Variants in ADAMTS16 observed in about 807,000 individuals in gnomAD.
ADAMTS16 encodes the protein A disintegrin and metalloproteinase with thrombospondin motifs 16.
In ADAMTS16, 94 loss-of-function variants were observed where a neutral mutation model predicts 145.8. The observed-to-expected ratio is 0.64, with a 90% confidence interval of 0.55 to 0.77. ADAMTS16 has a LOEUF of 0.77. Among genes scored for constraint, ADAMTS16 ranks in the 30% least tolerant of loss-of-function variants. The probability of loss-of-function intolerance (pLI) is 0.00; values close to 1 mark genes in which losing one functional copy is unlikely to be tolerated. For synonymous variants in ADAMTS16, 659 were observed against 604.3 expected (o/e 1.09, Z -1.33); for missense variants, 1,585 against 1,591.5 (o/e 1.00, Z 0.07).
At chr5:5,202,823 T>A (rs979709) in intron 9 of ADAMTS16, among the ~76,000 whole-genome samples, 4 of 152,130 alleles carry the variant, frequency 2.6e-5, no homozygotes, top group African/African-American at 9.7e-5. Context: ...CCCAAGTTAT[T>A]AAAGTCCAAA....
intron 3 of ADAMTS16, among the ~76,000 whole-genome samples, chr5:5,157,233 T>A (rs536923221): frequency 6.6e-6 from 1 of 151,996 alleles, no homozygotes; most frequent in Admixed American, 6.6e-5. Context: ...AAACTAAATA[T>A]ATAAAAACTA....
In ADAMTS16 at chr5:5,319,879, C is replaced by T. The variant is rs1734217788; in HGVS notation, c.*741C>T. ...TTTTTATACTTTATGTTTTATCTTT[C>T]TCAGTTATTTGCAAGTGAGTGTCCT... On this transcript the variant is annotated 3_prime_UTR_variant, in exon 23 of 23. Transcript: ENST00000274181. The T allele has an allele frequency of 2.2e-6, 1 of 455,804 alleles. No individual in the cohort carries two copies. The allele number at this position is 455,804 out of a possible 1,614,324, so 28.2% of individuals were successfully genotyped here.
chr5:5,185,858 C>A (rs75010576), intron 4 of ADAMTS16, among the ~76,000 whole-genome samples, 194 bp from the exon 5 acceptor site: 3,344 of 152,278 alleles, frequency 0.022, 55 homozygotes, highest in Non-Finnish European at 0.032. Flanking sequence ...TTCCATGATG[C>A]CTAGACTACA....
chr5:5,268,767 TG>T (rs1182809566), intron 18 of ADAMTS16, among the ~76,000 whole-genome samples: 2 of 152,222 alleles, frequency 1.3e-5, no homozygotes, highest in African/African-American at 2.4e-5. Context: ...AAGAGGCAGC[TG>T]CTCCTTCCTC....
chr5:5,143,615 A>C (rs910173983), intron 2 of ADAMTS16, among the ~76,000 whole-genome samples: 1 of 152,208 alleles, frequency 6.6e-6, no homozygotes. Flanking sequence ...TTGACCCAGC[A>C]ATCCCATTAC....
chr5:5,161,697 A>C (rs951702984), intron 3 of ADAMTS16, among the ~76,000 whole-genome samples: 1 of 152,198 alleles, frequency 6.6e-6, no homozygotes, highest in Non-Finnish European at 1.5e-5. Flanking sequence ...TCTTCACATT[A>C]ATACCATTCT....
At chr5:5,178,778 TG>T (rs574334966) in intron 3 of ADAMTS16, among the ~76,000 whole-genome samples, 13 of 152,142 alleles carry the variant, frequency 8.5e-5, no homozygotes, top group African/African-American at 2.9e-4. Context: ...GCCTTGAGCC[TG>T]GGGGAAAGGA....
In ADAMTS16 at chr5:5,319,112, A is replaced by G; in HGVS notation, c.3649A>G (p.Lys1217Glu). ...SHKFYGKQCC[K>E]TCSKSNL The stretch of plus-strand genomic sequence containing the variant: ...CAAGTTCTACGGCAAGCAGTGCTGC[A>G]AGACTTGCTCTAAGTCCAACTTGTG... Residue 1217 changes from lysine to glutamate, a missense_variant, in exon 23 of 23, where the codon AAG becomes GAG. Coordinates refer to ENST00000274181, the MANE Select transcript of ADAMTS16 (RefSeq NM_139056.4). The G allele has an allele frequency of 1.2e-6, 2 of 1,612,426 alleles. No homozygotes were observed. Among genetic ancestry groups the G allele is most frequent in the South Asian group, 1.1e-5 (1 of 90,498 alleles).
At chr5:5,303,804 C>A (rs1465765125) in intron 20 of ADAMTS16, 38 bp downstream of exon 20, 4 of 1,600,876 alleles carry the variant, frequency 2.5e-6, no homozygotes. Context: ...GGTTGACTAG[C>A]TCTCCCCTCG....
At chr5:5,258,852 T>TAAA (rs1560972935) in intron 17 of ADAMTS16, among the ~76,000 whole-genome samples, 14 of 151,816 alleles carry the variant, frequency 9.2e-5, no homozygotes, top group Non-Finnish European at 1.9e-4. Context: ...ATATATATAA[T>TAAA]TTTTTTTAGT....
At chr5:5,220,462 A>G (rs1010488089) in intron 10 of ADAMTS16, among the ~76,000 whole-genome samples, 10 of 151,962 alleles carry the variant, frequency 6.6e-5, no homozygotes, top group African/African-American at 9.7e-5. Context: ...CCGGCCAATA[A>G]TTTAACATTT....
At chr5:5,302,351 A>T (rs1430555843) in intron 18 of ADAMTS16, among the ~76,000 whole-genome samples, 1 of 152,250 alleles carries the variant, frequency 6.6e-6, no homozygotes, top group African/African-American at 2.4e-5. Flanking sequence ...TGAAAGAAAG[A>T]TAATCAGACA....
At chr5:5,313,963 G>A (rs1181276579) in intron 21 of ADAMTS16, among the ~76,000 whole-genome samples, 2 of 152,172 alleles carry the variant, frequency 1.3e-5, no homozygotes, top group Non-Finnish European at 2.9e-5. Context: ...AACAAGAACC[G>A]GCCTGCTGCT....
chr5:5,189,589 G>GT (rs1382917363), intron 6 of ADAMTS16, among the ~76,000 whole-genome samples: 2 of 152,172 alleles, frequency 1.3e-5, no homozygotes, highest in African/African-American at 4.8e-5. Context: ...ATCTAGACGT[G>GT]TTTTTGTATA....
At chr5:5,193,453 A>T (rs1735719697) in intron 8 of ADAMTS16, among the ~76,000 whole-genome samples, 1 of 152,222 alleles carries the variant, frequency 6.6e-6, no homozygotes, top group Non-Finnish European at 1.5e-5. Context: ...TTGTAACAAC[A>T]TGAGGCTCCT....
chr5:5,293,233 G>A (rs1228571748), intron 18 of ADAMTS16, among the ~76,000 whole-genome samples: 1 of 152,166 alleles, frequency 6.6e-6, no homozygotes, highest in African/African-American at 2.4e-5. Context: ...TTCGATGGGT[G>A]TGGCATTGAA....
At chr5:5,142,251 A>G (rs896578979) in intron 2 of ADAMTS16, 2 of 152,236 alleles carry the variant, frequency 1.3e-5, no homozygotes, top group Admixed American at 1.3e-4. Flanking sequence ...AAGTGATTCA[A>G]TCTGCTTCAG....
chr5:5,159,203 A>C (rs7720897), intron 3 of ADAMTS16, among the ~76,000 whole-genome samples: 109,752 of 152,142 alleles, frequency 0.72, 40,117 homozygotes, highest in Middle Eastern at 0.84. Context: ...ACTCTACATG[A>C]GAAGAAAGAT....
At chr5:5,155,926 C>T (rs530851783) in intron 3 of ADAMTS16, among the ~76,000 whole-genome samples, 3 of 152,060 alleles carry the variant, frequency 2.0e-5, no homozygotes, top group Non-Finnish European at 4.4e-5. Flanking sequence ...AGGAGGTCCA[C>T]AGGGAACAGA....
Sources: gnomAD v4.1 joint callset for allele counts (sites outside exome capture counted in the v4.1 genomes callset) on GRCh38, gnomAD v4.1.1 for gene constraint, MANE v1.5 for transcripts, NCBI Gene and HGNC (gene_info 2026-07-23, HGNC 2026-07-21) for gene names.